Variants in DCAF6 observed in about 807,000 individuals in gnomAD.
The protein encoded by DCAF6 is DDB1 and CUL4 associated factor 6.
DCAF6 carries 54 observed loss-of-function variants against 125.1 expected under a neutral mutation model. The ratio of observed to expected loss-of-function variants is 0.43; its 90% CI spans 0.35 to 0.54. The LOEUF (loss-of-function observed/expected upper bound fraction) is 0.54. DCAF6 is among the 20% of genes least tolerant of loss of function. DCAF6 has a pLI of 0.01. For missense variants in DCAF6, 934 were observed against 1,161.7 expected (o/e 0.80, Z 2.85); for synonymous variants, 371 against 390.4 (o/e 0.95, Z 0.58).
At chr1:167,893,123 G>A in the DCAF6 span, among the ~76,000 whole-genome samples, 1 of 152,138 alleles carries the variant, frequency 6.6e-6, no homozygotes, top group African/African-American at 2.4e-5. Flanking sequence ...GGAGGGTGGA[G>A]GTAGCTCAGA....
chr1:167,880,150 C>G, the DCAF6 span: 1 of 1,613,330 alleles, frequency 6.2e-7, no homozygotes, highest in Non-Finnish European at 8.5e-7. Context: ...TCCAACGATC[C>G]CACAGAAGAC....
chr1:168,003,092 T>TA (rs1401334001), intron 8 of DCAF6, among the ~76,000 whole-genome samples: 1 of 152,160 alleles, frequency 6.6e-6, no homozygotes, highest in East Asian at 1.9e-4. Flanking sequence ...ACCAAAATCT[T>TA]ACTATAATGA....
chr1:167,975,517 G>A (rs1678013832), intron 4 of DCAF6, among the ~76,000 whole-genome samples: 1 of 152,130 alleles, frequency 6.6e-6, no homozygotes, highest in Non-Finnish European at 1.5e-5. Context: ...CAATTTTAGT[G>A]CTTTATGTGG....
At chr1:167,935,737 T>C (rs770882889), upstream of DCAF6, 1 of 1,560,370 alleles carries the variant, frequency 6.4e-7, no homozygotes, top group Non-Finnish European at 8.7e-7. Flanking sequence ...CATTACCTGC[T>C]GGATGGTTGT....
At chr1:167,966,756 A>AG (rs776056211) in intron 3 of DCAF6, 35 bp downstream of exon 3, 8 of 1,314,332 alleles carry the variant, frequency 6.1e-6, no homozygotes, top group Non-Finnish European at 7.6e-6. Context: ...ATTTAATGAG[A>AG]GAAAAAAAAT....
At position 168,037,367 on chromosome 1, in the gene DCAF6, T is replaced by C. The variant is rs561224269; in HGVS notation, c.1610-1004T>C. On this transcript the variant is annotated intron_variant, in intron 12 of 21. Coordinates refer to ENST00000367840, the MANE Select transcript of DCAF6 (RefSeq NM_001198956.2). ...AGAGAAGTTTATTTTTAGTATTAAATCAGTCCTTGAACTGGTATCAAGGAA... is the reference window on the plus strand; with the variant it reads ...AGAGAAGTTTATTTTTAGTATTAAACCAGTCCTTGAACTGGTATCAAGGAA... 2.0e-5 allele frequency among the ~76,000 whole-genome samples: 3 copies of C among 152,316 alleles called. No homozygotes were observed. The South Asian group carries it at 6.2e-4, about 32-fold the overall frequency.
At position 167,936,860 on chromosome 1, in the gene DCAF6, C is replaced by T. The variant is rs1404039225; in HGVS notation, c.-52C>T. The T allele has an allele frequency of 4.7e-6, 6 of 1,280,156 alleles. No homozygotes were observed. The highest frequency in any genetic ancestry group is 2.5e-5 in the East Asian group (1 of 39,872). 79.3% of individuals were successfully genotyped at this position (1,280,156 alleles called of 1,614,324 possible). ...GTTGAAACGGGTGTCCCCTCCCCCTCCTCCCCTCCCCCACGCGGTGGTCTC... is the reference window on the plus strand; with the variant it reads ...GTTGAAACGGGTGTCCCCTCCCCCTTCTCCCCTCCCCCACGCGGTGGTCTC... On this transcript the variant is annotated 5_prime_UTR_variant, in exon 1 of 22. Transcript: ENST00000367840.
the DCAF6 span, chr1:167,875,302 A>G: frequency 1.9e-6 from 2 of 1,050,850 alleles, no homozygotes; most frequent in Non-Finnish European, 2.9e-6. Flanking sequence ...ACAAGAGTCT[A>G]TCCCCTGACT....
chr1:168,068,265 G>A (rs1268003117), intron 20 of DCAF6, 93 bp from the exon 21 acceptor site: 3 of 780,008 alleles, frequency 3.8e-6, no homozygotes, highest in Non-Finnish European at 6.5e-6. Flanking sequence ...AATTCCTCCT[G>A]GTACTGGCTG....
the DCAF6 span, among the ~76,000 whole-genome samples, chr1:167,875,672 T>C: frequency 2.5e-4 from 38 of 152,220 alleles, no homozygotes; most frequent in Non-Finnish European, 4.7e-4. Context: ...ACTACTTGGC[T>C]GGGCGCAGTG....
intron 7 of DCAF6, among the ~76,000 whole-genome samples, chr1:167,994,118 T>C (rs1681287238): frequency 6.6e-6 from 1 of 152,036 alleles, no homozygotes; most frequent in Non-Finnish European, 1.5e-5. Flanking sequence ...TAATAATGTA[T>C]TAGTAATAAT....
rs138677391 is a variant in DCAF6 at position 167,937,953 on chromosome 1, C to T, written c.97+945C>T. Among the ~76,000 whole-genome samples the T allele has an allele frequency of 5.9e-5, 9 of 152,096 alleles. 1 individual carries two copies. In the East Asian group the frequency reaches 1.7e-3, roughly 29 times the overall value. ...TGCTAGTTAAAAAGTGTTTGTTGCTCTCATTTGTTTTTGATTTCAAGTAAA... is the reference window on the plus strand; with the variant it reads ...TGCTAGTTAAAAAGTGTTTGTTGCTTTCATTTGTTTTTGATTTCAAGTAAA... On this transcript the variant is annotated intron_variant, in intron 1 of 21. Transcript: ENST00000367840.
At chr1:167,999,257 A>G (rs952807786) in intron 7 of DCAF6, among the ~76,000 whole-genome samples, 1 of 152,198 alleles carries the variant, frequency 6.6e-6, no homozygotes, top group Admixed American at 6.6e-5. Context: ...CATGCTGTAA[A>G]GAGATGTGCC....
At chr1:167,987,116 T>C (rs748792905) in intron 4 of DCAF6, among the ~76,000 whole-genome samples, 138 of 152,140 alleles carry the variant, frequency 9.1e-4, no homozygotes, top group Non-Finnish European at 1.7e-3. Context: ...GAAAATTTGC[T>C]TACGTATTTA....
intron 10 of DCAF6, among the ~76,000 whole-genome samples, chr1:168,005,424 A>G (rs1306018386): frequency 6.6e-6 from 1 of 152,094 alleles, no homozygotes; most frequent in Non-Finnish European, 1.5e-5. Context: ...TTTATGGTCA[A>G]CTTTTTTCCC....
chr1:167,938,083 T>C (rs911356968), intron 1 of DCAF6, among the ~76,000 whole-genome samples: 1 of 152,200 alleles, frequency 6.6e-6, no homozygotes, highest in Non-Finnish European at 1.5e-5. Flanking sequence ...TCAAGTAAAA[T>C]ACGAATACAT....
intron 2 of DCAF6, among the ~76,000 whole-genome samples, chr1:167,957,591 A>G (rs537185880): frequency 6.6e-6 from 1 of 152,242 alleles, no homozygotes; most frequent in African/African-American, 2.4e-5. Context: ...TGCTGTGAAC[A>G]TTTGTGTACA....
At chr1:167,921,720 GT>G in the DCAF6 span, among the ~76,000 whole-genome samples, 20 of 150,750 alleles carry the variant, frequency 1.3e-4, no homozygotes, top group East Asian at 1.4e-3. Flanking sequence ...TTAATAAATT[GT>G]TTTTTTTTAA....
chr1:167,969,835 G>GGCA (rs1318456635), intron 3 of DCAF6, among the ~76,000 whole-genome samples: 1 of 152,164 alleles, frequency 6.6e-6, no homozygotes, highest in African/African-American at 2.4e-5. Flanking sequence ...GGAGTGCAGT[G>GGCA]GCACGATCTC....
Sources: gnomAD v4.1 joint callset for allele counts (sites outside exome capture counted in the v4.1 genomes callset) on GRCh38, gnomAD v4.1.1 for gene constraint, MANE v1.5 for transcripts, NCBI Gene and HGNC (gene_info 2026-07-23, HGNC 2026-07-21) for gene names.